The following ST7L variants were observed in gnomAD, a reference collection of about 807,000 sequenced individuals.
ST7L encodes suppressor of tumorigenicity 7 protein-like.
A neutral mutation model predicts 72.5 loss-of-function variants in ST7L; 57 were observed. The ratio of observed to expected loss-of-function variants is 0.79; its 90% CI spans 0.64 to 0.98. ST7L has a LOEUF of 0.98. ST7L is among the 50% of genes least tolerant of loss of function. The probability of loss-of-function intolerance (pLI) is 0.00; values close to 1 mark genes in which losing one functional copy is unlikely to be tolerated. For synonymous variants in ST7L, 221 were observed against 240.9 expected, an observed-to-expected ratio of 0.92 and a Z score of 0.77; for missense variants, 576 against 672.2, an observed-to-expected ratio of 0.86 and a Z score of 1.58.
At chr1:112,577,211 C>CAG (rs1663240247) in intron 10 of ST7L, 123 bp from the exon 11 acceptor site, 2 of 490,704 alleles carry the variant, frequency 4.1e-6, no homozygotes, top group East Asian at 7.0e-5. Context: ...AAAACAAAGC[C>CAG]AGAGGACTAA....
intron 2 of ST7L, among the ~76,000 whole-genome samples, chr1:112,611,248 C>T (rs942939129): frequency 1.3e-5 from 2 of 152,158 alleles, no homozygotes; most frequent in African/African-American, 4.8e-5. Context: ...TGTAATAAAG[C>T]ATTAAAAACA....
At position 112,591,583 on chromosome 1, in the gene ST7L, C is replaced by T. The variant is rs1477448698; in HGVS notation, c.643G>A (p.Glu215Lys). ...TTGATTCGAGCTGGAGGATTTCTTT[C>T]CCTCCAAGCCTTCTGCATAACTGTA... Reference protein sequence around the residue: ...SDTVMQKAWRERNPPARIKAA... With the variant: ...SDTVMQKAWRKRNPPARIKAA... The change falls in exon 6 of 15, where the codon GAA (glutamate) becomes AAA (lysine). Residue 215 changes from glutamate to lysine, a missense_variant. Physicochemically the swap from Glu to Lys is moderately conservative, Grantham distance 56. Around this residue, in one of 3 missense-constraint regions of ST7L, gnomAD observed 511 missense variants for 600.7 expected, o/e 0.85. Coordinates refer to ENST00000358039, the MANE Select transcript of ST7L (RefSeq NM_017744.5). 2.5e-6 allele frequency: 4 copies of T among 1,610,856 alleles called. No homozygotes were observed. Among genetic ancestry groups the T allele is most frequent in the Admixed American group, 1.7e-5 (1 of 59,632 alleles).
chr1:112,533,366 T>C (rs1249305290), intron 14 of ST7L, among the ~76,000 whole-genome samples: 1 of 152,104 alleles, frequency 6.6e-6, no homozygotes, highest in Non-Finnish European at 1.5e-5. Flanking sequence ...GTTGCCAGGC[T>C]GGAGTGCAGT....
intron 12 of ST7L, among the ~76,000 whole-genome samples, chr1:112,555,208 G>A (rs373638754): frequency 1.6e-5 from 2 of 123,530 alleles, no homozygotes; most frequent in South Asian, 4.6e-4. Context: ...GTATACATCG[G>A]AAAACAAAAC....
chr1:112,618,666 T>C (rs1316665264), intron 1 of ST7L: 1 of 772,452 alleles, frequency 1.3e-6, no homozygotes, highest in Non-Finnish European at 2.0e-6. Context: ...GGCTTTTCCA[T>C]GGAAAAACGA....
rs114199731 is a variant in ST7L at position 112,616,842 on chromosome 1, T to A, written c.259A>T (p.Thr87Ser). 14,181 of 1,606,180 alleles carry A rather than the reference T, an allele frequency of 8.8e-3. 96 individuals are homozygous for A. The highest frequency in any genetic ancestry group is 0.01 in the Non-Finnish European group (11,873 of 1,176,660). Residue 87 changes from threonine (T) to serine (S), a missense_variant, in exon 2 of 15, where the codon ACC becomes TCC. This residue lies in a region of ST7L where 511 missense variants were observed against 600.7 expected (regional missense o/e 0.85). Coordinates refer to ENST00000358039, the MANE Select transcript of ST7L (RefSeq NM_017744.5). ...ATTAGTCCTGATATCAATGAAGAGG[T>A]CCCTGTAAGTGCCACATAGAATTTG... ...TPKFYVALTG[T>S]SSLISGLIFI...
intron 6 of ST7L, among the ~76,000 whole-genome samples, chr1:112,590,884 G>A (rs1015466353): frequency 4.0e-5 from 6 of 148,544 alleles, no homozygotes; most frequent in Non-Finnish European, 8.9e-5. Flanking sequence ...TGTTTTAAAC[G>A]AAAAAATTAA....
At chr1:112,581,847 G>C (rs1160528011) in intron 9 of ST7L, 145 bp downstream of exon 9, 2 of 631,230 alleles carry the variant, frequency 3.2e-6, no homozygotes, top group African/African-American at 3.8e-5. Flanking sequence ...TCCTGATAAA[G>C]AAGATACTAA....
intron 5 of ST7L, among the ~76,000 whole-genome samples, chr1:112,597,175 A>G (rs547363477): frequency 6.6e-6 from 1 of 152,368 alleles, no homozygotes; most frequent in East Asian, 1.9e-4. Context: ...GAACTGCAGA[A>G]AACAAAATGT....
chr1:112,614,112 G>A (rs564341248), intron 2 of ST7L, among the ~76,000 whole-genome samples: 1 of 152,294 alleles, frequency 6.6e-6, no homozygotes, highest in South Asian at 2.1e-4. Flanking sequence ...AGCTTAGACA[G>A]TTTATGTAGC....
chr1:112,608,622 ATTG>A (rs1210444887), intron 3 of ST7L, among the ~76,000 whole-genome samples: 4 of 152,190 alleles, frequency 2.6e-5, no homozygotes, highest in Admixed American at 2.6e-4. Context: ...ATCATGTGCT[ATTG>A]TTATAATTAT....
intron 14 of ST7L, among the ~76,000 whole-genome samples, chr1:112,535,517 C>G (rs2101274621): frequency 6.6e-6 from 1 of 152,086 alleles, no homozygotes; most frequent in Admixed American, 6.5e-5. Context: ...ATTGCTTGAG[C>G]TCAGGAGTTG....
Position 112,584,012 on chromosome 1 carries a change from C to T in ST7L, c.816G>A (p.Gln272=), listed in dbSNP as rs200595897. Residue 272 remains glutamine, a synonymous_variant, in exon 7 of 15, where the codon CAG becomes CAA. Transcript: ENST00000358039. ...GCTGAGGACTTTGGTGCTGGCACTG[C>T]TGTGACTGCCTATAAATTGTTTCTC... ...KAGETIYRQS[Q]QCQHQSPQHE... The T allele has an allele frequency of 2.1e-5, 34 of 1,614,042 alleles. No homozygotes were observed. The highest frequency in any genetic ancestry group is 2.5e-5 in the Non-Finnish European group (30 of 1,180,026).
At chr1:112,540,875 G>A (rs1655986408) in intron 14 of ST7L, 1 of 1,273,232 alleles carries the variant, frequency 7.9e-7, no homozygotes, top group Non-Finnish European at 1.0e-6. Flanking sequence ...CCTACTACCT[G>A]GTAGAAATGC....
At chr1:112,619,581 C>G (rs1380361898), upstream of ST7L, 2 of 530,818 alleles carry the variant, frequency 3.8e-6, no homozygotes, top group African/African-American at 3.9e-5. Flanking sequence ...ACGCTGCCAG[C>G]GCCCATTAGA....
intron 5 of ST7L, among the ~76,000 whole-genome samples, chr1:112,594,181 A>T (rs1666081322): frequency 6.6e-6 from 1 of 151,186 alleles, no homozygotes; most frequent in Non-Finnish European, 1.5e-5. Flanking sequence ...CTCACTGCAA[A>T]GATATGTTCC....
intron 4 of ST7L, among the ~76,000 whole-genome samples, chr1:112,599,073 A>AAAAAAATATATATATATATATAT (rs1190968815): frequency 1.8e-5 from 1 of 56,996 alleles, no homozygotes; most frequent in Non-Finnish European, 3.1e-5. Flanking sequence ...AAAAAAAAAA[A>AAAAAAATATATATATATATATAT]ATATATATAT....
chr1:112,612,588 A>G (rs1407160798), intron 2 of ST7L, among the ~76,000 whole-genome samples: 1 of 152,050 alleles, frequency 6.6e-6, no homozygotes, highest in East Asian at 1.9e-4. Flanking sequence ...CGTTTATAGG[A>G]AAGTGTGAGA....
rs948278010 is a variant in ST7L at position 112,542,228 on chromosome 1, T to A, written c.1490-138A>T. 20 of 793,162 alleles carry A rather than the reference T, an allele frequency of 2.5e-5. No individual in the cohort carries two copies. In the African/African-American group the frequency reaches 3.5e-4, roughly 14 times the overall value. 49.1% of individuals were successfully genotyped at this position (793,162 alleles called of 1,614,324 possible). Reference sequence around the variant, plus strand: ...AAGGAAAGTCTCTGGCTAAGCAAGGTAGAAGACAGTTATCCATTATTTATC... The same window carrying A: ...AAGGAAAGTCTCTGGCTAAGCAAGGAAGAAGACAGTTATCCATTATTTATC... On this transcript the variant is annotated intron_variant, in intron 13 of 14. Transcript: ENST00000358039.
Sources: allele counts gnomAD v4.1 joint callset (sites outside exome capture counted in the v4.1 genomes callset), GRCh38; gene constraint gnomAD v4.1.1; regional missense constraint gnomAD v4.1.1; transcripts MANE v1.5; gene names NCBI Gene and HGNC (gene_info 2026-07-23, HGNC 2026-07-21).